CSRNP3: variants seen among roughly 807,000 people sequenced by gnomAD.
CSRNP3 encodes cysteine and serine rich nuclear protein 3, also known as cysteine/serine-rich nuclear protein 3.
A neutral mutation model predicts 48.0 loss-of-function variants in CSRNP3; 12 were observed. That is an observed-to-expected ratio of 0.25 (90% CI 0.16 to 0.41). CSRNP3 has a LOEUF of 0.41. Among genes scored for constraint, CSRNP3 ranks in the 10% least tolerant of loss-of-function variants. The pLI, the probability that CSRNP3 is intolerant of heterozygous loss-of-function variation, is 1.00. For missense variants in CSRNP3, 580 were observed against 724.4 expected (o/e 0.80, Z 2.29); for synonymous variants, 263 against 269.7 (o/e 0.98, Z 0.24).
At chr2:165,631,495 T>C (rs1686535651) in intron 4 of CSRNP3, among the ~76,000 whole-genome samples, 1 of 152,220 alleles carries the variant, frequency 6.6e-6, no homozygotes, top group Non-Finnish European at 1.5e-5. Flanking sequence ...TGATATTCTG[T>C]AAGCTCTTAT....
intron 3 of CSRNP3, among the ~76,000 whole-genome samples, chr2:165,561,911 C>A (rs1184560938): frequency 6.6e-6 from 1 of 151,946 alleles, no homozygotes; most frequent in African/African-American, 2.4e-5. Context: ...TAATAAAGTC[C>A]AGTGAAATTA....
At chr2:165,539,493 A>G (rs1028409330) in intron 3 of CSRNP3, among the ~76,000 whole-genome samples, 1 of 152,008 alleles carries the variant, frequency 6.6e-6, no homozygotes, top group Non-Finnish European at 1.5e-5. Flanking sequence ...TATTTTAAAC[A>G]TTTTTGCATA....
chr2:165,591,791 T>G (rs1434725401), intron 3 of CSRNP3, among the ~76,000 whole-genome samples: 1 of 152,164 alleles, frequency 6.6e-6, no homozygotes, highest in African/African-American at 2.4e-5. Flanking sequence ...GCAGGATGTA[T>G]GGAAATGCCT....
intron 3 of CSRNP3, among the ~76,000 whole-genome samples, chr2:165,594,580 T>A (rs1048111878): frequency 2.0e-5 from 3 of 152,252 alleles, no homozygotes; most frequent in Admixed American, 6.5e-5. Context: ...AATTTAGAAC[T>A]GTTTTTACAT....
intron 5 of CSRNP3, among the ~76,000 whole-genome samples, chr2:165,671,572 G>A (rs1035250020): frequency 3.3e-5 from 5 of 152,224 alleles, no homozygotes; most frequent in African/African-American, 9.6e-5. Context: ...TAGCAGGGGG[G>A]CCCTGGGCCA....
intron 3 of CSRNP3, among the ~76,000 whole-genome samples, chr2:165,534,321 A>T (rs1684854224): frequency 6.6e-6 from 1 of 151,982 alleles, no homozygotes; most frequent in African/African-American, 2.4e-5. Context: ...CTGTTTCTGA[A>T]GTCATCTGAG....
At chr2:165,587,356 G>A (rs891368740) in intron 3 of CSRNP3, among the ~76,000 whole-genome samples, 2 of 152,208 alleles carry the variant, frequency 1.3e-5, no homozygotes, top group South Asian at 2.1e-4. Flanking sequence ...AGATAAATTG[G>A]TGACAGATGA....
chr2:165,569,991 A>G (rs1198072918), intron 3 of CSRNP3, among the ~76,000 whole-genome samples: 1 of 152,008 alleles, frequency 6.6e-6, no homozygotes, highest in African/African-American at 2.4e-5. Flanking sequence ...CTTTTAAGCA[A>G]TCATTAGATT....
intron 6 of CSRNP3, among the ~76,000 whole-genome samples, chr2:165,678,424 G>A (rs1573964879): frequency 1.3e-5 from 2 of 152,098 alleles, no homozygotes; most frequent in Admixed American, 1.3e-4. Context: ...AGAAAAAAGG[G>A]TAGAAAGCCA....
rs139525859 is a variant in CSRNP3 at position 165,483,351 on chromosome 2, A to C, written c.-282-11408A>C. Among the ~76,000 whole-genome samples, 64 of 152,300 alleles carry C rather than the reference A, an allele frequency of 4.2e-4. No individual in the cohort carries two copies. The East Asian group carries it at 0.012, about 29-fold the overall frequency. ...CAACATTCATTGTAGTTCTTCCTTC[A>C]AAATGGAGATTTTAGATTTTTACCT... is the stretch of plus-strand genomic sequence containing the variant. On this transcript the variant is annotated intron_variant, in intron 1 of 6. Transcript: ENST00000651982.
At chr2:165,667,099 AAAGG>A (rs775694405) in intron 5 of CSRNP3, among the ~76,000 whole-genome samples, 1 of 14,346 alleles carries the variant, frequency 7.0e-5, no homozygotes, top group African/African-American at 1.9e-4. Flanking sequence ...GAGAGAGAGA[AAAGG>A]AAGGAAGGAA....
chr2:165,635,896 C>A (rs1686619472), intron 4 of CSRNP3, among the ~76,000 whole-genome samples: 1 of 152,050 alleles, frequency 6.6e-6, no homozygotes, highest in Admixed American at 6.6e-5. Flanking sequence ...TGCTCCATAC[C>A]CATTTTTTCT....
At position 165,525,645 on chromosome 2, in the gene CSRNP3, T is replaced by A. The variant is rs2105239027; in HGVS notation, c.-24+7684T>A. On this transcript the variant is annotated intron_variant, in intron 3 of 6. Coordinates refer to ENST00000651982, the MANE Select transcript of CSRNP3 (RefSeq NM_001172173.2). Reference sequence around the variant, plus strand: ...GGACTACAGGCGTGTGACACCACGCTCGGCTAATTTTTGTATTTTTAGTAG... The same window carrying A: ...GGACTACAGGCGTGTGACACCACGCACGGCTAATTTTTGTATTTTTAGTAG... 1.3e-5 allele frequency among the ~76,000 whole-genome samples: 2 copies of A among 151,326 alleles called. 1 individual carries two copies. The highest frequency in any genetic ancestry group is 4.2e-4 in the South Asian group (2 of 4,756).
rs112638502 is a variant in CSRNP3, at chr2:165,522,185, A to G, written c.-24+4224A>G. 1.2e-4 allele frequency among the ~76,000 whole-genome samples: 18 copies of G among 152,152 alleles called. 2 individuals carry two copies. The highest frequency in any genetic ancestry group is 3.9e-4 in the African/African-American group (16 of 41,516). ...TGTGTGTCTGTAGTCCCAGCTATTC[A>G]AGTGGCTGAGGCATGAGAATCACTT... is the stretch of plus-strand genomic sequence containing the variant. On this transcript the variant is annotated intron_variant, in intron 3 of 6. Coordinates refer to ENST00000651982, the MANE Select transcript of CSRNP3 (RefSeq NM_001172173.2).
Position 165,679,504 on chromosome 2 carries a change from C to T in CSRNP3, c.1509C>T (p.Cys503=), listed in dbSNP as rs959706366. 1 of 1,613,726 alleles carries T rather than the reference C, an allele frequency of 6.2e-7. No homozygotes were observed. The highest frequency in any genetic ancestry group is 8.5e-7 in the Non-Finnish European group (1 of 1,179,938). The part of the protein sequence containing the change: ...YPAANPSVIV[C]CSSSENDSGV... ...CTGCCAACCCCTCTGTAATCGTTTGCTGCTCCTCTTCCGAAAATGATAGCG... is the reference window on the plus strand; with the variant it reads ...CTGCCAACCCCTCTGTAATCGTTTGTTGCTCCTCTTCCGAAAATGATAGCG... Residue 503 remains cysteine (C), a synonymous_variant, in exon 7 of 7, where the codon TGC becomes TGT. Transcript: ENST00000651982.
At chr2:165,559,955 A>C (rs953602136) in intron 3 of CSRNP3, among the ~76,000 whole-genome samples, 3 of 151,718 alleles carry the variant, frequency 2.0e-5, no homozygotes, top group African/African-American at 7.3e-5. Flanking sequence ...GCCCGCCACC[A>C]AGCCCGACTA....
At chr2:165,538,619 G>T (rs1684912859) in intron 3 of CSRNP3, among the ~76,000 whole-genome samples, 1 of 151,778 alleles carries the variant, frequency 6.6e-6, no homozygotes, top group African/African-American at 2.4e-5. Context: ...ATTTTCAATG[G>T]CATCTTCCCT....
chr2:165,633,275 C>A (rs955621279), intron 4 of CSRNP3, among the ~76,000 whole-genome samples: 5 of 152,180 alleles, frequency 3.3e-5, no homozygotes, highest in Non-Finnish European at 7.3e-5. Flanking sequence ...AAATCACCTA[C>A]AACTATGTTG....
intron 5 of CSRNP3, among the ~76,000 whole-genome samples, chr2:165,662,870 C>A (rs1425951344): frequency 6.6e-6 from 1 of 152,110 alleles, no homozygotes; most frequent in African/African-American, 2.4e-5. Flanking sequence ...GTACTTTTCT[C>A]AAGTTTTCAG....
Sources: allele counts gnomAD v4.1 joint callset (sites outside exome capture counted in the v4.1 genomes callset), GRCh38; gene constraint gnomAD v4.1.1; transcripts MANE v1.5; gene names NCBI Gene and HGNC (gene_info 2026-07-23, HGNC 2026-07-21).